Variants in DGKI observed in about 807,000 individuals in gnomAD.
The protein encoded by DGKI is DAG kinase iota.
In DGKI, 55 loss-of-function variants were observed where a neutral mutation model predicts 147.5. The observed-to-expected ratio is 0.37, with a 90% confidence interval of 0.30 to 0.47. The LOEUF (loss-of-function observed/expected upper bound fraction) is 0.47. Among genes scored for constraint, DGKI ranks in the 20% least tolerant of loss-of-function variants. The probability of loss-of-function intolerance (pLI) is 1.00; values close to 1 mark genes in which losing one functional copy is unlikely to be tolerated. For missense variants in DGKI, 1,007 were observed against 1,323.8 expected (o/e 0.76, Z 3.71); for synonymous variants, 469 against 477.1 (o/e 0.98, Z 0.22).
intron 3 of DGKI, among the ~76,000 whole-genome samples, chr7:137,664,247 G>A (rs370913082): frequency 1.1e-4 from 16 of 151,642 alleles, no homozygotes; most frequent in East Asian, 9.7e-4. Context: ...GCATGGTGGC[G>A]GGCGCCTGTA....
intron 1 of DGKI, among the ~76,000 whole-genome samples, chr7:137,748,439 A>G (rs28524086): frequency 0.047 from 7,131 of 152,212 alleles, 550 homozygotes; most frequent in African/African-American, 0.16. Context: ...ATTACATAGT[A>G]TTCATACATA....
At chr7:137,442,035 T>C (rs1813530593) in intron 28 of DGKI, among the ~76,000 whole-genome samples, 1 of 152,136 alleles carries the variant, frequency 6.6e-6, no homozygotes, top group Admixed American at 6.5e-5. Flanking sequence ...TTTTCAAGAA[T>C]ATATGGGCTA....
In DGKI at chr7:137,395,852, G is replaced by T. The variant is rs1585073078; in HGVS notation, c.2958-155C>A. The T allele has an allele frequency of 5.1e-6, 3 of 589,560 alleles. No individual in the cohort carries two copies. The East Asian group carries it at 8.5e-5, about 17-fold the overall frequency. 36.5% of individuals were successfully genotyped at this position (589,560 alleles called of 1,614,324 possible). Reference sequence around the variant, plus strand: ...TACATTCTGGGGAGGTAGGGAAGGGGATTTCTAAAAATTCCTTGAGCTAGC... The same window carrying T: ...TACATTCTGGGGAGGTAGGGAAGGGTATTTCTAAAAATTCCTTGAGCTAGC... On this transcript the variant is annotated intron_variant, in intron 31 of 32. Transcript: ENST00000614521.
At chr7:137,830,737 G>T (rs559155828) in intron 1 of DGKI, among the ~76,000 whole-genome samples, 44 of 152,270 alleles carry the variant, frequency 2.9e-4, no homozygotes, top group East Asian at 1.9e-4. Flanking sequence ...AAAGGAAAGG[G>T]TATTATCCTG....
chr7:137,397,877 C>T (rs1811609844), intron 30 of DGKI, among the ~76,000 whole-genome samples: 1 of 152,114 alleles, frequency 6.6e-6, no homozygotes, highest in African/African-American at 2.4e-5. Context: ...ATAAAATTTC[C>T]CTTCTCAGAC....
rs1010882119 is a variant in DGKI, at chr7:137,390,065, G to C, written c.*1155C>G. On this transcript the variant is annotated 3_prime_UTR_variant, in exon 33 of 33. Transcript: ENST00000614521. ...ACCTAAAAGAAAGACCTAAAATGGG[G>C]CTCCTCTCACCACTGTATCCAACAG... 1.3e-5 allele frequency: 2 copies of C among 152,038 alleles called. No individual in the cohort carries two copies. The highest frequency in any genetic ancestry group is 4.1e-4 in the South Asian group (2 of 4,828). 9.4% of individuals were successfully genotyped at this position (152,038 alleles called of 1,614,324 possible). A position where few individuals can be genotyped will look rare whatever the true frequency, so the allele number is the denominator to read the frequency against.
At chr7:137,529,471 G>A (rs925628628) in intron 20 of DGKI, among the ~76,000 whole-genome samples, 2 of 152,182 alleles carry the variant, frequency 1.3e-5, no homozygotes, top group African/African-American at 2.4e-5. Context: ...TTACCACATG[G>A]TTATTCTAGA....
chr7:137,841,898 C>T (rs188496704), intron 1 of DGKI, among the ~76,000 whole-genome samples: 132 of 152,308 alleles, frequency 8.7e-4, no homozygotes, highest in African/African-American at 3.0e-3. Context: ...TTCAACTTCC[C>T]TATCCCCAGA....
chr7:137,737,823 T>C (rs980788382), intron 1 of DGKI, among the ~76,000 whole-genome samples: 2 of 152,098 alleles, frequency 1.3e-5, no homozygotes, highest in Non-Finnish European at 2.9e-5. Flanking sequence ...CCTGGCCACA[T>C]GGAACCTATC....
intron 1 of DGKI, among the ~76,000 whole-genome samples, chr7:137,792,950 C>T (rs745865966): frequency 4.4e-4 from 67 of 152,248 alleles, no homozygotes; most frequent in Non-Finnish European, 8.5e-4. Flanking sequence ...TCAGGTATTC[C>T]TACAGCAATG....
intron 6 of DGKI, among the ~76,000 whole-genome samples, chr7:137,627,068 T>C (rs1192399335): frequency 6.6e-6 from 1 of 152,164 alleles, no homozygotes; most frequent in Non-Finnish European, 1.5e-5. Context: ...CACAATATGT[T>C]TTATTCTTTT....
chr7:137,615,541 G>C (rs1820503529), intron 8 of DGKI, among the ~76,000 whole-genome samples: 1 of 151,226 alleles, frequency 6.6e-6, no homozygotes, highest in South Asian at 2.1e-4. Context: ...ATGTGTGTGT[G>C]TGTGTGTGTG....
intron 1 of DGKI, among the ~76,000 whole-genome samples, chr7:137,775,191 G>C (rs1406246492): frequency 1.3e-5 from 2 of 151,996 alleles, no homozygotes; most frequent in African/African-American, 2.4e-5. Flanking sequence ...TCTCATATAA[G>C]TGGGGAAATC....
rs779496972 is a variant in DGKI at position 137,390,926 on chromosome 7, T to C, written c.*294A>G. ...TCCTTTGAATCTTTAAAATAAATTA[T>C]ACAGGTGAACACAGAAGTTCATGCT... On this transcript the variant is annotated 3_prime_UTR_variant, in exon 33 of 33. Transcript: ENST00000614521. 20 of 384,838 alleles carry C rather than the reference T, an allele frequency of 5.2e-5. No homozygotes were observed. The highest frequency in any genetic ancestry group is 9.0e-5 in the Non-Finnish European group (19 of 211,654). The allele number at this position is 384,838 out of a possible 1,614,324, so 23.8% of individuals were successfully genotyped here. A position where few individuals can be genotyped will look rare whatever the true frequency, so the allele number is the denominator to read the frequency against.
chr7:137,656,615 G>C, intron 3 of DGKI, 75 bp from the exon 4 acceptor site: 1 of 1,335,082 alleles, frequency 7.5e-7, no homozygotes, highest in Non-Finnish European at 1.1e-6. Flanking sequence ...TATTAAAGTG[G>C]GCATATATAA....
chr7:137,768,266 A>G lies in DGKI; in HGVS notation c.401+78196T>C, dbSNP rs1195102095. ...TCTACAATTGGCAAACCAAATGATC[A>G]TAGTATAAACATAGTATTTAGAAAC... On this transcript the variant is annotated intron_variant, in intron 1 of 32. Transcript: ENST00000614521. 5.9e-5 allele frequency among the ~76,000 whole-genome samples: 9 copies of G among 152,354 alleles called. No homozygotes were observed. In the East Asian group the frequency reaches 1.2e-3, roughly 20 times the overall value.
Position 137,572,641 on chromosome 7 carries a change from C to A in DGKI, c.1835+124G>T, listed in dbSNP as rs1037612742. Reference sequence around the variant, plus strand: ...AGAATGAATTATCAGACCTAGAAATCTTTAATTACCCATTTAGATAACTGA... The same window carrying A: ...AGAATGAATTATCAGACCTAGAAATATTTAATTACCCATTTAGATAACTGA... On this transcript the variant is annotated intron_variant, in intron 18 of 32. Coordinates refer to ENST00000614521, the MANE Select transcript of DGKI (RefSeq NM_001321708.2). 9.1e-6 allele frequency: 6 copies of A among 656,970 alleles called. No homozygotes were observed. In the Admixed American group the frequency reaches 1.5e-4, roughly 16 times the overall value. 40.7% of individuals were successfully genotyped at this position (656,970 alleles called of 1,614,324 possible). A position where few individuals can be genotyped will look rare whatever the true frequency, so the allele number is the denominator to read the frequency against.
intron 1 of DGKI, among the ~76,000 whole-genome samples, chr7:137,725,039 T>C (rs996764887): frequency 6.6e-6 from 1 of 152,076 alleles, no homozygotes; most frequent in African/African-American, 2.4e-5. Context: ...AAGCTCTTTA[T>C]ACAGAGGTGA....
At chr7:137,663,898 A>G (rs1038615244) in intron 3 of DGKI, among the ~76,000 whole-genome samples, 3 of 146,700 alleles carry the variant, frequency 2.0e-5, no homozygotes, top group Admixed American at 6.6e-5. Context: ...GGCTTCTGAC[A>G]TAGGGCTCCC....
Sources: gnomAD v4.1 joint callset for allele counts (sites outside exome capture counted in the v4.1 genomes callset) on GRCh38, gnomAD v4.1.1 for gene constraint, MANE v1.5 for transcripts, NCBI Gene and HGNC (gene_info 2026-07-23, HGNC 2026-07-21) for gene names.